KCTD5: variants seen among roughly 807,000 people sequenced by gnomAD.
The protein encoded by KCTD5 is potassium channel tetramerization domain containing 5, also known as BTB/POZ domain-containing protein KCTD5.
A neutral mutation model predicts 27.9 loss-of-function variants in KCTD5; 12 were observed. That is an observed-to-expected ratio of 0.43 (90% CI 0.28 to 0.70). The LOEUF (loss-of-function observed/expected upper bound fraction) is 0.70, where lower values mean the gene tolerates loss of function less well. Among genes scored for constraint, KCTD5 ranks in the 30% least tolerant of loss-of-function variants. KCTD5 has a pLI of 0.19. For missense variants in KCTD5, 226 were observed against 274.8 expected (o/e 0.82, Z 1.26); for synonymous variants, 147 against 121.4 (o/e 1.21, Z -1.39).
chr16:2,699,716 G>C, intron 3 of KCTD5, 105 bp from the exon 4 acceptor site: 4 of 978,948 alleles, frequency 4.1e-6, no homozygotes, highest in Non-Finnish European at 6.5e-6. Flanking sequence ...CCTGTGCTGA[G>C]AACTGCAGAG....
rs530249992 is a variant in KCTD5, at chr16:2,698,288, A to C, written c.453+291A>C. On this transcript the variant is annotated intron_variant, in intron 3 of 5. Coordinates refer to ENST00000301738, the MANE Select transcript of KCTD5 (RefSeq NM_018992.4). Reference sequence around the variant, plus strand: ...GACGTGTGTAGGGAAGGAGGGCCCCATGAGGGCCGGTCGGGGAGACCCTGA... The same window carrying C: ...GACGTGTGTAGGGAAGGAGGGCCCCCTGAGGGCCGGTCGGGGAGACCCTGA... 2.0e-5 allele frequency among the ~76,000 whole-genome samples: 3 copies of C among 152,252 alleles called. No individual in the cohort carries two copies. The East Asian group carries it at 5.8e-4, about 29-fold the overall frequency.
At chr16:2,707,168 C>A in intron 5 of KCTD5, 130 bp from the exon 6 acceptor site, 1 of 759,308 alleles carries the variant, frequency 1.3e-6, no homozygotes, top group African/African-American at 1.8e-5. Context: ...AGACCCTGGC[C>A]AGTGCCGCTG....
Position 2,699,053 on chromosome 16 carries a change from C to T in KCTD5, c.454-768C>T, listed in dbSNP as rs991201208. 6 of 444,036 alleles carry T rather than the reference C, an allele frequency of 1.4e-5. No homozygotes were observed. The Admixed American group carries it at 1.5e-4, about 11-fold the overall frequency. 27.5% of individuals were successfully genotyped at this position (444,036 alleles called of 1,614,324 possible). A position where few individuals can be genotyped will look rare whatever the true frequency, so the allele number is the denominator to read the frequency against. On this transcript the variant is annotated intron_variant, in intron 3 of 5. Coordinates refer to ENST00000301738, the MANE Select transcript of KCTD5 (RefSeq NM_018992.4). ...CAACTCGGGCATGTGACCTCGAGGC[C>T]ACTGTGTGCCTTTGTCACTCAGGCA...
chr16:2,701,903 C>T (rs2067613570), intron 4 of KCTD5, among the ~76,000 whole-genome samples: 1 of 152,156 alleles, frequency 6.6e-6, no homozygotes, highest in Non-Finnish European at 1.5e-5. Flanking sequence ...CAGCAGGCTG[C>T]AGCAGACCCG....
chr16:2,685,505 A>C (rs1036873785), intron 1 of KCTD5: 1 of 148,952 alleles, frequency 6.7e-6, no homozygotes, highest in Non-Finnish European at 1.5e-5. Flanking sequence ...AGTTTGCCAA[A>C]AGTGTAGTGC....
intron 3 of KCTD5, among the ~76,000 whole-genome samples, chr16:2,699,534 C>T (rs1013137162): frequency 3.9e-5 from 6 of 152,202 alleles, no homozygotes; most frequent in African/African-American, 1.2e-4. Context: ...GCTCTCGTGT[C>T]GTCATGTCGA....
chr16:2,690,761 G>A (rs1045693847), intron 1 of KCTD5, among the ~76,000 whole-genome samples: 1 of 152,210 alleles, frequency 6.6e-6, no homozygotes, highest in Non-Finnish European at 1.5e-5. Context: ...TGGCCTTACG[G>A]GCAGCACAGG....
chr16:2,691,440 T>C (rs2142053703), intron 1 of KCTD5, among the ~76,000 whole-genome samples: 1 of 152,318 alleles, frequency 6.6e-6, no homozygotes, highest in South Asian at 2.1e-4. Context: ...CCCTTCAGCC[T>C]CTGGTGCCCG....
chr16:2,702,520 G>T, intron 5 of KCTD5, 42 bp downstream of exon 5: 1 of 1,603,956 alleles, frequency 6.2e-7, no homozygotes, highest in South Asian at 1.1e-5. Context: ...GTCTTGGGTG[G>T]GGAAGGCTCT....
intron 2 of KCTD5, among the ~76,000 whole-genome samples, chr16:2,696,675 C>T (rs895622549): frequency 6.6e-6 from 1 of 152,154 alleles, no homozygotes; most frequent in Non-Finnish European, 1.5e-5. Flanking sequence ...CCTGCTCCCC[C>T]GGGTCCGTGT....
chr16:2,706,302 G>T (rs145895260), intron 5 of KCTD5, among the ~76,000 whole-genome samples: 1 of 152,182 alleles, frequency 6.6e-6, no homozygotes, highest in African/African-American at 2.4e-5. Context: ...CCCTCTCTCC[G>T]GTCAGTGCGG....
At chr16:2,705,867 A>C (rs2067633372) in intron 5 of KCTD5, among the ~76,000 whole-genome samples, 1 of 152,180 alleles carries the variant, frequency 6.6e-6, no homozygotes, top group African/African-American at 2.4e-5. Flanking sequence ...CTTTGGCTGC[A>C]GGTCTCCAGG....
chr16:2,707,538 C>G lies in KCTD5; in HGVS notation c.*211C>G. ...ACGTCCCCAAGTTGGGGGAGCACGG[C>G]GGCCGGGTGGGCGCTGCCTCTTGGG... On this transcript the variant is annotated 3_prime_UTR_variant, in exon 6 of 6. Transcript: ENST00000301738. 1.5e-6 allele frequency: 1 copy of G among 670,638 alleles called. No homozygotes were observed. Among genetic ancestry groups the G allele is most frequent in the Admixed American group, 2.2e-5 (1 of 44,726 alleles). The allele number at this position is 670,638 out of a possible 1,614,324, so 41.5% of individuals were successfully genotyped here. A position where few individuals can be genotyped will look rare whatever the true frequency, so the allele number is the denominator to read the frequency against.
In KCTD5 at chr16:2,684,684, G is replaced by C. The variant is rs1363159865; in HGVS notation, c.252+1884G>C. The C allele has an allele frequency of 2.2e-4, 34 of 152,084 alleles. 1 individual carries two copies. The highest frequency in any genetic ancestry group is 2.2e-3 in the Admixed American group (34 of 15,276). The allele number at this position is 152,084 out of a possible 1,614,324, so 9.4% of individuals were successfully genotyped here. A position where few individuals can be genotyped will look rare whatever the true frequency, so the allele number is the denominator to read the frequency against. On this transcript the variant is annotated intron_variant, in intron 1 of 5. Coordinates refer to ENST00000301738, the MANE Select transcript of KCTD5 (RefSeq NM_018992.4). The stretch of plus-strand genomic sequence containing the variant: ...GCAGTCTGAGGCAGGAGAATGGCGT[G>C]AGCCTGGGAGGAGGAGCTTGCAGTG...
Position 2,705,820 on chromosome 16 carries a change from C to T in KCTD5, c.676-1478C>T, listed in dbSNP as rs143587757. ...ACCCCAGGCTCTGTCTAGAGTAGCC[C>T]GTGCTGCTCCCGGCCTTGGGAGGGC... On this transcript the variant is annotated intron_variant, in intron 5 of 5. Transcript: ENST00000301738. Among the ~76,000 whole-genome samples the T allele has an allele frequency of 2.8e-3, 428 of 152,300 alleles. 2 individuals carry two copies. Among genetic ancestry groups the T allele is most frequent in the African/African-American group, 9.8e-3 (409 of 41,556 alleles).
chr16:2,698,689 G>A (rs906940550), intron 3 of KCTD5, among the ~76,000 whole-genome samples: 3 of 149,760 alleles, frequency 2.0e-5, no homozygotes, highest in South Asian at 2.2e-4. Context: ...CTCGGTCCAC[G>A]TAGAGCCCTG....
At chr16:2,700,844 C>T (rs1567195819) in intron 4 of KCTD5, among the ~76,000 whole-genome samples, 1 of 151,638 alleles carries the variant, frequency 6.6e-6, no homozygotes, top group Non-Finnish European at 1.5e-5. Flanking sequence ...ATTTGTGTCC[C>T]ACCGTCCACC....
chr16:2,687,762 A>G (rs1462209982), intron 1 of KCTD5, among the ~76,000 whole-genome samples: 2 of 152,120 alleles, frequency 1.3e-5, no homozygotes, highest in Non-Finnish European at 2.9e-5. Context: ...CGCCCCAGGT[A>G]AGCAGTCCCC....
chr16:2,705,960 C>G (rs1292250700), intron 5 of KCTD5, among the ~76,000 whole-genome samples: 1 of 152,204 alleles, frequency 6.6e-6, no homozygotes, highest in African/African-American at 2.4e-5. Flanking sequence ...GTCCGCTGCG[C>G]TACTTAGTTT....
Sources: gnomAD v4.1 joint callset for allele counts (sites outside exome capture counted in the v4.1 genomes callset) on GRCh38, gnomAD v4.1.1 for gene constraint, MANE v1.5 for transcripts, NCBI Gene and HGNC (gene_info 2026-07-23, HGNC 2026-07-21) for gene names.